HMGCLL1: variants seen among roughly 807,000 people sequenced by gnomAD.
HMGCLL1 encodes the protein 3-hydroxy-3-methylglutaryl-CoA lyase like 1.
Under a neutral mutation model 39.1 loss-of-function variants are expected in HMGCLL1, and 36 were observed. The ratio of observed to expected loss-of-function variants is 0.92; its 90% CI spans 0.71 to 1.22. The LOEUF is 1.22. Among genes scored for constraint, HMGCLL1 ranks in the 50% most tolerant of loss-of-function variants. The probability of loss-of-function intolerance (pLI) is 0.00; values close to 1 mark genes in which losing one functional copy is unlikely to be tolerated. For synonymous variants in HMGCLL1, 149 were observed against 144.0 expected, an observed-to-expected ratio of 1.03 and a Z score of -0.25; for missense variants, 451 against 416.5, an observed-to-expected ratio of 1.08 and a Z score of -0.72.
the HMGCLL1 span, among the ~76,000 whole-genome samples, chr6:55,630,388 A>G: frequency 1.3e-5 from 2 of 152,218 alleles, no homozygotes; most frequent in East Asian, 3.9e-4. Flanking sequence ...TCTAGGAAGT[A>G]ACTAACTTGC....
At chr6:55,616,911 A>G in the HMGCLL1 span, among the ~76,000 whole-genome samples, 2,061 of 152,170 alleles carry the variant, frequency 0.014, 52 homozygotes, top group African/African-American at 0.047. Flanking sequence ...AAAAAGATCT[A>G]TTGGAAATTT....
At chr6:55,552,912 C>T (rs1346837020) in intron 1 of HMGCLL1, among the ~76,000 whole-genome samples, 4 of 151,712 alleles carry the variant, frequency 2.6e-5, no homozygotes, top group African/African-American at 4.9e-5. Flanking sequence ...GAGGCCAAGG[C>T]GGCTGGATCA....
At chr6:55,629,791 A>C in the HMGCLL1 span, among the ~76,000 whole-genome samples, 2 of 152,152 alleles carry the variant, frequency 1.3e-5, no homozygotes, top group East Asian at 3.9e-4. Flanking sequence ...TCCAAGCCTC[A>C]AGCCTTGGCT....
At chr6:55,614,484 T>G in the HMGCLL1 span, among the ~76,000 whole-genome samples, 2 of 152,140 alleles carry the variant, frequency 1.3e-5, no homozygotes, top group Non-Finnish European at 2.9e-5. Flanking sequence ...TTTAAGTCAC[T>G]GAGTCTATGG....
intron 1 of HMGCLL1, among the ~76,000 whole-genome samples, chr6:55,569,507 C>A (rs999439077): frequency 1.3e-5 from 2 of 152,156 alleles, no homozygotes; most frequent in African/African-American, 4.8e-5. Context: ...GGCTTTAGAA[C>A]TAGAACTGCT....
intron 1 of HMGCLL1, among the ~76,000 whole-genome samples, chr6:55,555,183 T>C (rs1007578309): frequency 2.6e-5 from 4 of 152,218 alleles, no homozygotes; most frequent in Non-Finnish European, 5.9e-5. Flanking sequence ...TTTGCCTCTG[T>C]TGAAGCCACA....
At chr6:55,553,342 G>A (rs1770471069) in intron 1 of HMGCLL1, among the ~76,000 whole-genome samples, 1 of 151,594 alleles carries the variant, frequency 6.6e-6, no homozygotes, top group East Asian at 1.9e-4. Flanking sequence ...GGAGGTTGAG[G>A]CAGGAGAATT....
chr6:55,642,023 G>A, the HMGCLL1 span, among the ~76,000 whole-genome samples: 1 of 136,536 alleles, frequency 7.3e-6, no homozygotes, highest in Non-Finnish European at 1.6e-5. Context: ...TCGTCATCTA[G>A]CATTAGGTAT....
the HMGCLL1 span, among the ~76,000 whole-genome samples, chr6:55,665,404 G>A: frequency 2.9e-4 from 44 of 151,768 alleles, no homozygotes; most frequent in Admixed American, 4.6e-4. Context: ...TCATTCATCA[G>A]GGCAGCCACA....
At chr6:55,611,963 G>T in the HMGCLL1 span, among the ~76,000 whole-genome samples, 2,025 of 152,184 alleles carry the variant, frequency 0.013, 49 homozygotes, top group African/African-American at 0.046. Flanking sequence ...AGGGCAATCA[G>T]GCCAGAGAAA....
chr6:55,557,522 T>C lies in HMGCLL1; in HGVS notation c.109-15382A>G, dbSNP rs577538114. 1.2e-4 allele frequency among the ~76,000 whole-genome samples: 18 copies of C among 152,258 alleles called. 1 individual carries two copies. The South Asian group carries it at 3.7e-3, about 32-fold the overall frequency. ...CAGCCCCGATTCTAATTAAAACTTG[T>C]ATTTTGTTTCTTTAGGGCTCTGTAC... is the stretch of plus-strand genomic sequence containing the variant. On this transcript the variant is annotated intron_variant, in intron 1 of 8. Coordinates refer to ENST00000274901, the MANE Select transcript of HMGCLL1 (RefSeq NM_001042406.2).
intron 6 of HMGCLL1, 151 bp from the exon 7 acceptor site, chr6:55,495,758 CT>C (rs1766544114): frequency 9.8e-6 from 5 of 508,410 alleles, no homozygotes; most frequent in Non-Finnish European, 1.7e-5. Context: ...GGTCCTTTTT[CT>C]TTGCTTATGA....
At chr6:55,620,469 A>G in the HMGCLL1 span, among the ~76,000 whole-genome samples, 2 of 152,084 alleles carry the variant, frequency 1.3e-5, no homozygotes, top group South Asian at 4.1e-4. Context: ...TTCTTCGTAT[A>G]TGTTTACCTT....
At chr6:55,503,625 C>A (rs1042774072) in intron 5 of HMGCLL1, among the ~76,000 whole-genome samples, 1 of 151,642 alleles carries the variant, frequency 6.6e-6, no homozygotes, top group Non-Finnish European at 1.5e-5. Context: ...CCAGGATCAA[C>A]CCCAAAGTGC....
intron 1 of HMGCLL1, among the ~76,000 whole-genome samples, chr6:55,568,755 C>A (rs1771332568): frequency 6.6e-6 from 1 of 151,988 alleles, no homozygotes; most frequent in Admixed American, 6.6e-5. Context: ...CACAATTTTG[C>A]TTTATATCTT....
At chr6:55,496,571 G>A (rs576086254) in intron 6 of HMGCLL1, among the ~76,000 whole-genome samples, 7 of 152,092 alleles carry the variant, frequency 4.6e-5, no homozygotes, top group African/African-American at 9.6e-5. Flanking sequence ...ATTGCATATC[G>A]CAGGACAAAG....
At chr6:55,655,095 C>T in the HMGCLL1 span, among the ~76,000 whole-genome samples, 1 of 151,900 alleles carries the variant, frequency 6.6e-6, no homozygotes, top group African/African-American at 2.4e-5. Context: ...ATTGAGTCCT[C>T]AGTTCTTCTC....
the HMGCLL1 span, among the ~76,000 whole-genome samples, chr6:55,652,690 C>G: frequency 6.6e-6 from 1 of 152,162 alleles, no homozygotes; most frequent in African/African-American, 2.4e-5. Flanking sequence ...ATACAGCTCA[C>G]GGCCAGGGAA....
intron 7 of HMGCLL1, among the ~76,000 whole-genome samples, chr6:55,477,389 AT>A (rs1219400732): frequency 6.1e-5 from 2 of 32,792 alleles, no homozygotes; most frequent in African/African-American, 3.8e-4. Context: ...TATTATCTAA[AT>A]ATAATATATA....
Sources: gnomAD v4.1 joint callset for allele counts (sites outside exome capture counted in the v4.1 genomes callset) on GRCh38, gnomAD v4.1.1 for gene constraint, MANE v1.5 for transcripts, NCBI Gene and HGNC (gene_info 2026-07-23, HGNC 2026-07-21) for gene names.